The following PCDH15 variants were observed in gnomAD, a reference collection of about 807,000 sequenced individuals.
The protein encoded by PCDH15 is protocadherin related 15.
PCDH15 carries 129 observed loss-of-function variants against 178.5 expected under a neutral mutation model. That is an observed-to-expected ratio of 0.72 (90% CI 0.63 to 0.84). The LOEUF (loss-of-function observed/expected upper bound fraction) is 0.84, where lower values mean the gene tolerates loss of function less well. Among genes scored for constraint, PCDH15 ranks in the 40% least tolerant of loss-of-function variants. The probability of loss-of-function intolerance (pLI) is 0.00; values close to 1 mark genes in which losing one functional copy is unlikely to be tolerated. For synonymous variants in PCDH15, 800 were observed against 732.0 expected, an observed-to-expected ratio of 1.09 and a Z score of -1.50; for missense variants, 2,230 against 2,099.9, an observed-to-expected ratio of 1.06 and a Z score of -1.21.
intron 2 of PCDH15, among the ~76,000 whole-genome samples, chr10:55,147,072 G>C (rs960170912): frequency 1.3e-5 from 2 of 151,422 alleles, no homozygotes; most frequent in African/African-American, 4.8e-5. Context: ...ATTAGCAGTT[G>C]TTATTAGAAA....
At chr10:55,477,999 A>G (rs539240466) in intron 2 of PCDH15, among the ~76,000 whole-genome samples, 1 of 151,928 alleles carries the variant, frequency 6.6e-6, no homozygotes, top group Admixed American at 6.6e-5. Flanking sequence ...AAAATATTCC[A>G]TACAAATGGA....
intron 26 of PCDH15, among the ~76,000 whole-genome samples, chr10:53,892,703 G>T (rs1053091851): frequency 2.0e-5 from 3 of 152,090 alleles, no homozygotes; most frequent in African/African-American, 7.2e-5. Flanking sequence ...GTTTTTTATG[G>T]TTCTCAACTA....
At chr10:55,113,695 G>A (rs1837564215) in intron 2 of PCDH15, among the ~76,000 whole-genome samples, 1 of 152,008 alleles carries the variant, frequency 6.6e-6, no homozygotes, top group African/African-American at 2.4e-5. Context: ...AATTCATCAG[G>A]TATGAAGATC....
At chr10:54,383,043 G>C (rs1191599185) in intron 3 of PCDH15, among the ~76,000 whole-genome samples, 1 of 151,962 alleles carries the variant, frequency 6.6e-6, no homozygotes, top group African/African-American at 2.4e-5. Context: ...TGTAAGTGGA[G>C]GCACGCAACT....
chr10:55,121,950 T>C (rs1414100412), intron 2 of PCDH15, among the ~76,000 whole-genome samples: 1 of 152,130 alleles, frequency 6.6e-6, no homozygotes, highest in African/African-American at 2.4e-5. Flanking sequence ...GTCCAAGGTA[T>C]TTTGTTATAG....
chr10:54,145,323 T>A (rs561213526), intron 14 of PCDH15, among the ~76,000 whole-genome samples: 1 of 152,080 alleles, frequency 6.6e-6, no homozygotes, highest in Non-Finnish European at 1.5e-5. Context: ...AGGAGTCTAT[T>A]TGTAATTCTG....
chr10:53,828,406 A>G (rs1237065011), intron 31 of PCDH15, among the ~76,000 whole-genome samples, 159 bp downstream of exon 31: 1 of 152,106 alleles, frequency 6.6e-6, no homozygotes, highest in Non-Finnish European at 1.5e-5. Flanking sequence ...GTCTAAAATC[A>G]GCTCAATTCT....
intron 4 of PCDH15, among the ~76,000 whole-genome samples, chr10:54,377,241 C>T (rs1455227874): frequency 6.6e-6 from 1 of 151,820 alleles, no homozygotes; most frequent in Non-Finnish European, 1.5e-5. Flanking sequence ...CATATATATG[C>T]TTCTTATTTT....
intron 18 of PCDH15, among the ~76,000 whole-genome samples, chr10:54,047,742 CATG>C (rs1409546314): frequency 6.6e-6 from 1 of 152,068 alleles, no homozygotes; most frequent in Non-Finnish European, 1.5e-5. Flanking sequence ...CTGCAAATGA[CATG>C]ATTTCATTTT....
intron 3 of PCDH15, among the ~76,000 whole-genome samples, chr10:54,424,787 C>T (rs997075185): frequency 6.8e-6 from 1 of 146,114 alleles, no homozygotes; most frequent in African/African-American, 2.5e-5. Flanking sequence ...CATGTTCTCA[C>T]TCATAGGTGG....
chr10:54,647,119 A>G (rs143851599), intron 2 of PCDH15, among the ~76,000 whole-genome samples: 1 of 152,086 alleles, frequency 6.6e-6, no homozygotes, highest in Non-Finnish European at 1.5e-5. Context: ...ACATAAAGAG[A>G]ATGCAGTATA....
intron 8 of PCDH15, among the ~76,000 whole-genome samples, chr10:54,292,843 T>C (rs1174801218): frequency 6.6e-6 from 1 of 152,194 alleles, no homozygotes; most frequent in African/African-American, 2.4e-5. Context: ...GAAAATTCCA[T>C]GCTCATAGAT....
At chr10:55,333,487 A>G (rs950312517) in intron 2 of PCDH15, among the ~76,000 whole-genome samples, 1 of 152,166 alleles carries the variant, frequency 6.6e-6, no homozygotes, top group Non-Finnish European at 1.5e-5. Context: ...AGTAAACAAA[A>G]TAACAGAAAT....
intron 8 of PCDH15, among the ~76,000 whole-genome samples, chr10:54,296,064 G>A (rs1442666277): frequency 1.4e-5 from 2 of 142,364 alleles, no homozygotes; most frequent in East Asian, 4.3e-4. Context: ...AGAATGGCGT[G>A]AACCCGGGAG....
At chr10:53,857,578 T>A (rs183540612) in intron 27 of PCDH15, among the ~76,000 whole-genome samples, 6 of 152,040 alleles carry the variant, frequency 3.9e-5, no homozygotes, top group Admixed American at 2.6e-4. Flanking sequence ...CATTTTTTTT[T>A]AATTTGATTG....
chr10:54,211,444 C>T (rs1002354465), intron 10 of PCDH15, among the ~76,000 whole-genome samples: 2 of 152,078 alleles, frequency 1.3e-5, no homozygotes, highest in East Asian at 1.9e-4. Context: ...TTAATCTTTT[C>T]ATAGTCTAAA....
intron 21 of PCDH15, among the ~76,000 whole-genome samples, chr10:53,975,811 T>C (rs756582331): frequency 6.6e-6 from 1 of 152,176 alleles, no homozygotes; most frequent in Admixed American, 6.5e-5. Context: ...TTGTTGTAAT[T>C]GCTTTTGGTG....
intron 6 of PCDH15, among the ~76,000 whole-genome samples, chr10:54,342,314 C>A (rs1199495595): frequency 6.6e-6 from 1 of 152,190 alleles, no homozygotes; most frequent in Non-Finnish European, 1.5e-5. Flanking sequence ...CATCCTATGT[C>A]CCTGCCACTC....
intron 1 of PCDH15, among the ~76,000 whole-genome samples, chr10:54,708,835 G>A (rs1371124684): frequency 1.3e-5 from 2 of 151,194 alleles, no homozygotes; most frequent in African/African-American, 4.9e-5. Flanking sequence ...TTTATTCTTG[G>A]CATGCTTAAA....
Sources: allele counts gnomAD v4.1 joint callset (sites outside exome capture counted in the v4.1 genomes callset), GRCh38; gene constraint gnomAD v4.1.1; transcripts MANE v1.5; gene names NCBI Gene and HGNC (gene_info 2026-07-23, HGNC 2026-07-21).